Variants in SCLT1 observed in about 807,000 individuals in gnomAD.
The protein encoded by SCLT1 is sodium channel and clathrin linker 1, also known as sodium channel-associated protein 1.
In SCLT1, 78 loss-of-function variants were observed where a neutral mutation model predicts 112.8. The ratio of observed to expected loss-of-function variants is 0.69; its 90% confidence interval spans 0.58 to 0.83. SCLT1 has a LOEUF of 0.83. SCLT1 is among the 40% of genes least tolerant of loss of function. The pLI, the probability that SCLT1 is intolerant of heterozygous loss-of-function variation, is 0.00. For missense variants in SCLT1, 747 were observed against 770.4 expected (o/e 0.97, Z 0.36); for synonymous variants, 257 against 254.7 (o/e 1.01, Z -0.09).
chr4:129,015,808 T>A (rs1744939503), intron 5 of SCLT1, among the ~76,000 whole-genome samples: 2 of 152,112 alleles, frequency 1.3e-5, no homozygotes, highest in African/African-American at 4.8e-5. Context: ...TTTCTCCCAC[T>A]TCATTCCAGC....
At chr4:128,968,781 A>G (rs1209771309) in intron 10 of SCLT1, among the ~76,000 whole-genome samples, 1 of 152,168 alleles carries the variant, frequency 6.6e-6, no homozygotes, top group Non-Finnish European at 1.5e-5. Flanking sequence ...TTCCACATAC[A>G]GTAGGTAGCA....
chr4:129,093,327 G>C lies in SCLT1; in HGVS notation c.-224C>G. 3.4e-6 allele frequency: 2 copies of C among 587,438 alleles called. No homozygotes were observed. The highest frequency in any genetic ancestry group is 6.1e-6 in the Non-Finnish European group (2 of 329,130). The allele number at this position is 587,438 out of a possible 1,614,324, so 36.4% of individuals were successfully genotyped here. The stretch of plus-strand genomic sequence containing the variant: ...CCCTGGTGAGAGACTGAAGATTGCT[G>C]GGGACTCCACGTTCAACCGAATCCC... On this transcript the variant is annotated 5_prime_UTR_variant, in exon 1 of 21. Transcript: ENST00000281142.
chr4:128,992,993 T>G (rs1742706424), intron 8 of SCLT1, among the ~76,000 whole-genome samples: 1 of 152,044 alleles, frequency 6.6e-6, no homozygotes, highest in South Asian at 2.1e-4. Context: ...TTAATAGTTT[T>G]GATTTAATCC....
At chr4:128,891,035 T>C in intron 19 of SCLT1, 24 bp downstream of exon 19, 1 of 1,560,026 alleles carries the variant, frequency 6.4e-7, no homozygotes, top group Non-Finnish European at 8.8e-7. Flanking sequence ...CAGAAAGCAC[T>C]TCCCAGGGGA....
At chr4:128,929,360 T>C (rs1274565557) in intron 18 of SCLT1, among the ~76,000 whole-genome samples, 2 of 152,186 alleles carry the variant, frequency 1.3e-5, no homozygotes, top group African/African-American at 4.8e-5. Flanking sequence ...CTTAATATTA[T>C]AAAAATTTTA....
intron 2 of SCLT1, among the ~76,000 whole-genome samples, chr4:129,072,464 A>G (rs1298269527): frequency 6.6e-6 from 1 of 152,162 alleles, no homozygotes; most frequent in African/African-American, 2.4e-5. Flanking sequence ...GTTGTTTAAC[A>G]TAATTCCAGA....
intron 18 of SCLT1, among the ~76,000 whole-genome samples, chr4:128,932,773 A>G (rs1266966097): frequency 6.6e-6 from 1 of 152,190 alleles, no homozygotes; most frequent in Non-Finnish European, 1.5e-5. Context: ...TTCAAAACAC[A>G]AAATATCAGT....
chr4:128,992,313 C>T, intron 8 of SCLT1, 76 bp from the exon 9 acceptor site: 4 of 906,862 alleles, frequency 4.4e-6, no homozygotes, highest in Non-Finnish European at 6.7e-6. Flanking sequence ...ATCAGACATA[C>T]AAGTAGAAAA....
downstream of SCLT1, among the ~76,000 whole-genome samples, chr4:128,883,050 G>A (rs1045281300): frequency 6.6e-6 from 1 of 151,440 alleles, no homozygotes; most frequent in Non-Finnish European, 1.5e-5. Context: ...GGAGGCTGAG[G>A]CAGGAGAATC....
At chr4:128,973,621 T>C (rs554177832) in intron 9 of SCLT1, among the ~76,000 whole-genome samples, 2 of 152,316 alleles carry the variant, frequency 1.3e-5, no homozygotes, top group African/African-American at 2.4e-5. Flanking sequence ...TGAAAAATTC[T>C]AGAAAAATAA....
chr4:128,911,397 C>T (rs1464773702), intron 18 of SCLT1, among the ~76,000 whole-genome samples: 1 of 152,138 alleles, frequency 6.6e-6, no homozygotes, highest in Non-Finnish European at 1.5e-5. Context: ...TTCTTTGAAG[C>T]TCAAAATTCT....
chr4:128,908,380 T>TAAAAA (rs11432450), intron 18 of SCLT1, among the ~76,000 whole-genome samples: 3 of 137,662 alleles, frequency 2.2e-5, no homozygotes, highest in Admixed American at 7.3e-5. Flanking sequence ...TCCTGTTAAT[T>TAAAAA]AAAAAAAAAA....
rs551602888 is a variant in SCLT1 at position 129,090,408 on chromosome 4, G to GA, written c.34+2661dup. On this transcript the variant is annotated intron_variant, in intron 1 of 20. Transcript: ENST00000281142. ...TTTTCCATTTGGGCATCCAATGCAA[G>GA]AAAGTGGCCTGGATCCTTACCTCAT... 1.4e-4 allele frequency among the ~76,000 whole-genome samples: 22 copies of GA among 152,288 alleles called. No individual in the cohort carries two copies. The South Asian group carries it at 3.7e-3, about 26-fold the overall frequency.
At chr4:129,008,588 T>C (rs534378895) in intron 5 of SCLT1, among the ~76,000 whole-genome samples, 1 of 152,356 alleles carries the variant, frequency 6.6e-6, no homozygotes, top group South Asian at 2.1e-4. Flanking sequence ...TCTCTGGGAT[T>C]CAAATTACAC....
At chr4:129,052,885 T>C (rs1206257157) in intron 2 of SCLT1, among the ~76,000 whole-genome samples, 1 of 152,226 alleles carries the variant, frequency 6.6e-6, no homozygotes, top group East Asian at 1.9e-4. Context: ...AATTTCCCTC[T>C]ACACACTGTT....
At chr4:128,924,854 T>C (rs899704164) in intron 18 of SCLT1, among the ~76,000 whole-genome samples, 16 of 152,150 alleles carry the variant, frequency 1.1e-4, no homozygotes, top group Non-Finnish European at 4.4e-5. Context: ...TTTTAATTGA[T>C]AGAATATGGT....
chr4:129,080,435 C>A lies in SCLT1; in HGVS notation c.102+1871G>T, dbSNP rs539160387. ...AAGTTTCCTGCCAAATACCCTAAAT[C>A]ATCTCTCTCAGGTTCAAAGTTCCAC... On this transcript the variant is annotated intron_variant, in intron 2 of 20. Coordinates refer to ENST00000281142, the MANE Select transcript of SCLT1 (RefSeq NM_144643.4). Among the ~76,000 whole-genome samples the A allele has an allele frequency of 9.9e-5, 15 of 152,266 alleles. No homozygotes were observed. In the South Asian group the frequency reaches 3.1e-3, roughly 32 times the overall value.
chr4:129,059,211 G>A (rs1271561451), intron 2 of SCLT1, among the ~76,000 whole-genome samples: 2 of 152,082 alleles, frequency 1.3e-5, no homozygotes, highest in African/African-American at 4.8e-5. Flanking sequence ...CATATAACTG[G>A]GTGACAGCTT....
rs370514358 is a variant in SCLT1 at position 128,902,858 on chromosome 4, G to GT, written c.1830-11722dup. Reference sequence around the variant, plus strand: ...TTTTCTCTATATCCTTATTCTTTGAGTTTTTTGTTAAAAACAAAGACACCA... The same window carrying GT: ...TTTTCTCTATATCCTTATTCTTTGAGTTTTTTTGTTAAAAACAAAGACACCA... On this transcript the variant is annotated intron_variant, in intron 18 of 20. Transcript: ENST00000281142. Among the ~76,000 whole-genome samples, 6 of 152,058 alleles carry GT rather than the reference G, an allele frequency of 3.9e-5. No homozygotes were observed. The East Asian group carries it at 1.2e-3, about 29-fold the overall frequency.
Sources: gnomAD v4.1 joint callset for allele counts (sites outside exome capture counted in the v4.1 genomes callset) on GRCh38, gnomAD v4.1.1 for gene constraint, MANE v1.5 for transcripts, NCBI Gene and HGNC (gene_info 2026-07-23, HGNC 2026-07-21) for gene names.